BIN3: variants seen among roughly 807,000 people sequenced by gnomAD.
The protein encoded by BIN3 is bridging integrator 3.
BIN3 carries 41 observed loss-of-function variants against 38.2 expected under a neutral mutation model. The ratio of observed to expected loss-of-function variants is 1.07; its 90% confidence interval spans 0.84 to 1.39. The LOEUF is 1.39. Among genes scored for constraint, BIN3 ranks in the 40% most tolerant of loss-of-function variants. BIN3 has a pLI of 0.00. For missense variants in BIN3, 361 were observed against 324.3 expected (o/e 1.11, Z -0.87); for synonymous variants, 145 against 122.6 (o/e 1.18, Z -1.21).
At chr8:22,621,690 T>C in intron 8 of BIN3, 122 bp from the exon 9 acceptor site, 1 of 1,085,282 alleles carries the variant, frequency 9.2e-7, no homozygotes, top group African/African-American at 1.6e-5. Context: ...TGCAGCAGCG[T>C]GCCTTTGGGG....
rs1048368505 is a variant in BIN3 at position 22,669,115 on chromosome 8, C to T, written c.-64G>A. ...CAACTCGTTTCTCTAGGGTCACTTC[C>T]GGATTCAACCAGTCTCCAGGAAGTG... On this transcript the variant is annotated 5_prime_UTR_variant, in exon 1 of 9. Coordinates refer to ENST00000276416, the MANE Select transcript of BIN3 (RefSeq NM_018688.6). The T allele has an allele frequency of 1.7e-5, 27 of 1,555,738 alleles. No individual in the cohort carries two copies. Among genetic ancestry groups the T allele is most frequent in the African/African-American group, 4.1e-5 (3 of 73,328 alleles).
At chr8:22,625,254 G>T in intron 6 of BIN3, 1 of 695,112 alleles carries the variant, frequency 1.4e-6, no homozygotes, top group Non-Finnish European at 2.6e-6. Flanking sequence ...TGAGGCTCTC[G>T]CTGCTGCTGC....
intron 6 of BIN3, among the ~76,000 whole-genome samples, chr8:22,626,802 A>G (rs534028848): frequency 6.6e-6 from 1 of 152,314 alleles, no homozygotes; most frequent in East Asian, 1.9e-4. Context: ...TTGCTCCAGC[A>G]GCCTGACCCC....
chr8:22,652,531 G>C (rs529894246), intron 1 of BIN3, among the ~76,000 whole-genome samples: 1 of 152,228 alleles, frequency 6.6e-6, no homozygotes, highest in Non-Finnish European at 1.5e-5. Flanking sequence ...GGTGGGGAGG[G>C]GAAGGGGTGT....
intron 1 of BIN3, among the ~76,000 whole-genome samples, chr8:22,662,662 A>C (rs570608515): frequency 2.7e-4 from 41 of 152,354 alleles, no homozygotes; most frequent in African/African-American, 9.6e-4. Context: ...ACTCTTAGAC[A>C]GATGGTTTTC....
At chr8:22,658,535 T>A (rs1294971313) in intron 1 of BIN3, among the ~76,000 whole-genome samples, 1 of 152,198 alleles carries the variant, frequency 6.6e-6, no homozygotes, top group East Asian at 1.9e-4. Context: ...TTCTCCATCT[T>A]TTGTTTCCTC....
At chr8:22,637,523 T>C (rs1802410525) in intron 2 of BIN3, among the ~76,000 whole-genome samples, 1 of 152,232 alleles carries the variant, frequency 6.6e-6, no homozygotes, top group Admixed American at 6.5e-5. Context: ...CTGTGACTAC[T>C]GACTCAGGTC....
rs1563950648 is a variant in BIN3, at chr8:22,630,486, G to A, written c.253C>T (p.Leu85=). ...TCCATCCGCTTCATGGCCGTGTCCA[G>A]GGCCGTCACCATGTTCAGAAGGTCC... is the stretch of plus-strand genomic sequence containing the variant. ...DQDLLNMVTA[L]DTAMKRMDAF... Residue 85 remains leucine (L), a synonymous_variant, in exon 5 of 9, where the codon CTG becomes TTG. Coordinates refer to ENST00000276416, the MANE Select transcript of BIN3 (RefSeq NM_018688.6). 1 of 1,614,034 alleles carries A rather than the reference G, an allele frequency of 6.2e-7. No individual in the cohort carries two copies. The highest frequency in any genetic ancestry group is 1.7e-5 in the Admixed American group (1 of 60,032).
chr8:22,634,304 GC>G, intron 4 of BIN3: 1 of 331,220 alleles, frequency 3.0e-6, no homozygotes, highest in East Asian at 8.3e-5. Context: ...GAGGCCAGGA[GC>G]AAGGTGCATG....
chr8:22,649,706 A>G (rs2117570718), intron 1 of BIN3, among the ~76,000 whole-genome samples: 1 of 152,146 alleles, frequency 6.6e-6, no homozygotes, highest in Non-Finnish European at 1.5e-5. Context: ...CCAAAAACAA[A>G]AACAAAAACA....
chr8:22,665,378 G>T (rs140561894), intron 1 of BIN3, among the ~76,000 whole-genome samples: 304 of 152,318 alleles, frequency 2.0e-3, no homozygotes, highest in Non-Finnish European at 3.2e-3. Flanking sequence ...GCCAGGAACA[G>T]TGCTAGGGAA....
intron 2 of BIN3, among the ~76,000 whole-genome samples, chr8:22,639,577 G>C (rs1005545188): frequency 4.6e-5 from 7 of 152,208 alleles, no homozygotes; most frequent in Non-Finnish European, 8.8e-5. Context: ...ATCTACCCCA[G>C]TGGTTCCTTT....
intron 1 of BIN3, among the ~76,000 whole-genome samples, chr8:22,666,024 C>A (rs767476030): frequency 1.3e-5 from 2 of 152,236 alleles, no homozygotes; most frequent in African/African-American, 4.8e-5. Context: ...AGAACCTGAA[C>A]GCAGCACTCT....
chr8:22,643,396 T>G (rs1802623229), intron 2 of BIN3, among the ~76,000 whole-genome samples: 1 of 152,050 alleles, frequency 6.6e-6, no homozygotes, highest in African/African-American at 2.4e-5. Context: ...AGTGGTGCAA[T>G]CAGAGCTCAC....
chr8:22,660,524 G>A (rs1803198494), intron 1 of BIN3, among the ~76,000 whole-genome samples: 1 of 152,138 alleles, frequency 6.6e-6, no homozygotes, highest in Non-Finnish European at 1.5e-5. Flanking sequence ...CTGAAAGTTT[G>A]GCCCCTAGAA....
chr8:22,662,397 G>A (rs1319236073), intron 1 of BIN3, among the ~76,000 whole-genome samples: 2 of 152,164 alleles, frequency 1.3e-5, no homozygotes, highest in Non-Finnish European at 2.9e-5. Context: ...GGTTTAATCT[G>A]TTTTTCCTGA....
rs114111532 is a variant in BIN3 at position 22,625,508 on chromosome 8, G to T, written c.339-1145C>A. 2.1e-5 allele frequency: 14 copies of T among 675,550 alleles called. No individual in the cohort carries two copies. In the East Asian group the frequency reaches 3.0e-4, roughly 14 times the overall value. The allele number at this position is 675,550 out of a possible 1,614,324, so 41.8% of individuals were successfully genotyped here. On this transcript the variant is annotated intron_variant, in intron 6 of 8. Transcript: ENST00000276416. ...CATAGGCACTCAGAGTTGAGAGGAT[G>T]CTGGCAGACTCACTGTCAGGTTCCA...
chr8:22,647,353 A>T (rs921015651), intron 1 of BIN3, among the ~76,000 whole-genome samples: 7 of 152,028 alleles, frequency 4.6e-5, no homozygotes, highest in African/African-American at 9.7e-5. Context: ...TACCATAGAA[A>T]TTTTTTCCCC....
chr8:22,637,414 G>A (rs1046349577), intron 2 of BIN3, among the ~76,000 whole-genome samples: 16 of 152,170 alleles, frequency 1.1e-4, no homozygotes, highest in African/African-American at 2.2e-4. Context: ...CCTCCTACGC[G>A]GCCCTCCACT....
Sources: gnomAD v4.1 joint callset for allele counts (sites outside exome capture counted in the v4.1 genomes callset) on GRCh38, gnomAD v4.1.1 for gene constraint, MANE v1.5 for transcripts, NCBI Gene and HGNC (gene_info 2026-07-23, HGNC 2026-07-21) for gene names.